GNB4: variants seen among roughly 807,000 people sequenced by gnomAD.
GNB4 encodes the protein G protein subunit beta 4.
A neutral mutation model predicts 45.2 loss-of-function variants in GNB4; 28 were observed. The ratio of observed to expected loss-of-function variants is 0.62; its 90% CI spans 0.46 to 0.85. The LOEUF (loss-of-function observed/expected upper bound fraction) is 0.85, where lower values mean the gene tolerates loss of function less well. Among genes scored for constraint, GNB4 ranks in the 40% least tolerant of loss-of-function variants. The pLI is 0.00. For synonymous variants in GNB4, 132 were observed against 143.7 expected (o/e 0.92, Z 0.58); for missense variants, 321 against 425.4 (o/e 0.75, Z 2.16).
rs1169177956 is a variant in GNB4, at chr3:179,401,139, A to AT, written c.*73dup. ...TCTTCACCTGCAAATATAAGGTAGA[A>AT]TTTTTTCACAGCTATAGGCTGTAGC... On this transcript the variant is annotated 3_prime_UTR_variant, in exon 10 of 10. Transcript: ENST00000232564. 2.4e-5 allele frequency: 23 copies of AT among 953,950 alleles called. 1 individual carries two copies. The South Asian group carries it at 3.2e-4, about 13-fold the overall frequency. The allele number at this position is 953,950 out of a possible 1,614,324, so 59.1% of individuals were successfully genotyped here.
intron 8 of GNB4, among the ~76,000 whole-genome samples, chr3:179,409,203 TTCTA>T (rs1379443089): frequency 6.6e-6 from 1 of 151,700 alleles, no homozygotes; most frequent in African/African-American, 2.4e-5. Context: ...TGACATCAGC[TTCTA>T]TCTTAAAAAA....
chr3:179,479,897 G>C, the GNB4 span, among the ~76,000 whole-genome samples: 2 of 152,314 alleles, frequency 1.3e-5, no homozygotes, highest in Admixed American at 6.5e-5. Flanking sequence ...AATTGCTATG[G>C]TTTGAATGTA....
chr3:179,519,622 C>G, the GNB4 span, among the ~76,000 whole-genome samples: 1 of 152,214 alleles, frequency 6.6e-6, no homozygotes, highest in South Asian at 2.1e-4. Flanking sequence ...CTTATTAGGC[C>G]GAGACATTTT....
intron 1 of GNB4, among the ~76,000 whole-genome samples, chr3:179,448,477 T>G (rs1265031885): frequency 6.6e-6 from 1 of 151,950 alleles, no homozygotes; most frequent in East Asian, 1.9e-4. Context: ...TTACTTGGTT[T>G]TTTTTTTTTT....
At chr3:179,464,879 G>C in the GNB4 span, 1 of 1,410,198 alleles carries the variant, frequency 7.1e-7, no homozygotes, top group Non-Finnish European at 1.0e-6. Flanking sequence ...TACCCCATGC[G>C]GTGTGTGGGA....
At chr3:179,418,047 C>G (rs1300045828) in intron 4 of GNB4, among the ~76,000 whole-genome samples, 1 of 152,166 alleles carries the variant, frequency 6.6e-6, no homozygotes, top group Non-Finnish European at 1.5e-5. Context: ...TGAAGATTAA[C>G]AGTCTTCAGA....
chr3:179,424,780 T>G (rs1046168214), intron 2 of GNB4, among the ~76,000 whole-genome samples: 2 of 152,142 alleles, frequency 1.3e-5, no homozygotes, highest in Non-Finnish European at 2.9e-5. Context: ...AACGTTTTTT[T>G]GTTTGTTTTT....
chr3:179,486,605 G>A, the GNB4 span, among the ~76,000 whole-genome samples: 6 of 152,194 alleles, frequency 3.9e-5, no homozygotes, highest in Non-Finnish European at 7.3e-5. Context: ...AATTTCAAGA[G>A]GAGCTCCTGG....
intron 1 of GNB4, among the ~76,000 whole-genome samples, chr3:179,437,028 A>G (rs1715470519): frequency 6.6e-6 from 1 of 152,188 alleles, no homozygotes; most frequent in African/African-American, 2.4e-5. Context: ...TTACATATGA[A>G]TAAAACTTAG....
rs551227961 is a variant in GNB4 at position 179,430,105 on chromosome 3, GACAGACAGACAA to G, written c.-42-3875_-42-3864del. ...AGACAGACAGACAGACAGACAGACAGACAGACAGACAAAGGCCTCACTCTGCTGCCCAGGCTG... is the reference window on the plus strand; with the variant it reads ...AGACAGACAGACAGACAGACAGACAGAGGCCTCACTCTGCTGCCCAGGCTG... On this transcript the variant is annotated intron_variant, in intron 1 of 9. Coordinates refer to ENST00000232564, the MANE Select transcript of GNB4 (RefSeq NM_021629.4). Among the ~76,000 whole-genome samples, 402 of 151,320 alleles carry G rather than the reference GACAGACAGACAA, an allele frequency of 2.7e-3. 2 individuals are homozygous for G. Among genetic ancestry groups the G allele is most frequent in the African/African-American group, 9.0e-3 (370 of 40,978 alleles).
At chr3:179,467,175 G>A in the GNB4 span, among the ~76,000 whole-genome samples, 2 of 152,094 alleles carry the variant, frequency 1.3e-5, no homozygotes, top group Non-Finnish European at 2.9e-5. Flanking sequence ...CAGCATGCCT[G>A]GCTAAGTTTT....
At chr3:179,438,599 T>C (rs1715520297) in intron 1 of GNB4, among the ~76,000 whole-genome samples, 2 of 152,140 alleles carry the variant, frequency 1.3e-5, no homozygotes, top group African/African-American at 4.8e-5. Context: ...GAAAAAGAAA[T>C]GACCAGAAGG....
the GNB4 span, among the ~76,000 whole-genome samples, chr3:179,458,902 A>G: frequency 6.6e-6 from 1 of 152,258 alleles, no homozygotes; most frequent in Admixed American, 6.5e-5. Context: ...ATTTTTTAAC[A>G]GAAACAATCT....
chr3:179,422,431 A>G (rs1715009508), intron 2 of GNB4, among the ~76,000 whole-genome samples: 1 of 151,868 alleles, frequency 6.6e-6, no homozygotes, highest in African/African-American at 2.4e-5. Context: ...GTTTTAGATA[A>G]GCCTGGGCAA....
chr3:179,442,398 T>C (rs1028100911), intron 1 of GNB4, among the ~76,000 whole-genome samples: 1 of 152,196 alleles, frequency 6.6e-6, no homozygotes, highest in Non-Finnish European at 1.5e-5. Flanking sequence ...GGCATTTCCT[T>C]TTACTTAGTC....
At chr3:179,475,105 T>C in the GNB4 span, among the ~76,000 whole-genome samples, 1 of 151,848 alleles carries the variant, frequency 6.6e-6, no homozygotes, top group South Asian at 2.1e-4. Context: ...CGCTTTATTT[T>C]ATTTTTATTT....
chr3:179,422,923 G>C (rs192255851), intron 2 of GNB4, among the ~76,000 whole-genome samples: 24 of 152,176 alleles, frequency 1.6e-4, no homozygotes, highest in African/African-American at 5.5e-4. Flanking sequence ...CTCCCGAGTA[G>C]CTGGGACTAT....
chr3:179,514,439 A>C, the GNB4 span, among the ~76,000 whole-genome samples: 1 of 152,208 alleles, frequency 6.6e-6, no homozygotes, highest in Non-Finnish European at 1.5e-5. Context: ...CTCTGAGGGC[A>C]ATGAGAAGAA....
chr3:179,429,776 A>G (rs1715252043), intron 1 of GNB4, among the ~76,000 whole-genome samples: 1 of 152,222 alleles, frequency 6.6e-6, no homozygotes, highest in African/African-American at 2.4e-5. Context: ...CAGTTCTACT[A>G]CAAATTCACA....
Sources: gnomAD v4.1 joint callset for allele counts (sites outside exome capture counted in the v4.1 genomes callset) on GRCh38, gnomAD v4.1.1 for gene constraint, MANE v1.5 for transcripts, NCBI Gene and HGNC (gene_info 2026-07-23, HGNC 2026-07-21) for gene names.